CEP85L: variants seen among roughly 807,000 people sequenced by gnomAD.
The protein encoded by CEP85L is centrosomal protein of 85 kDa-like.
CEP85L carries 60 observed loss-of-function variants against 100.3 expected under a neutral mutation model. That is an observed-to-expected ratio of 0.60 (90% CI 0.49 to 0.74). The LOEUF (loss-of-function observed/expected upper bound fraction) is 0.74. CEP85L is among the 30% of genes least tolerant of loss of function. The pLI is 0.00. For missense variants in CEP85L, 973 were observed against 936.2 expected (o/e 1.04, Z -0.51); for synonymous variants, 319 against 322.7 (o/e 0.99, Z 0.12).
chr6:118,576,650 G>C (rs980003905), intron 2 of CEP85L, among the ~76,000 whole-genome samples: 1 of 152,074 alleles, frequency 6.6e-6, no homozygotes, highest in African/African-American at 2.4e-5. Flanking sequence ...TGCATATGGG[G>C]GGAATCCTCA....
intron 5 of CEP85L, among the ~76,000 whole-genome samples, chr6:118,509,458 A>G (rs774876612): frequency 1.3e-5 from 2 of 152,132 alleles, no homozygotes; most frequent in Non-Finnish European, 2.9e-5. Flanking sequence ...ACAGAAGTCC[A>G]AGATGAGACC....
intron 1 of CEP85L, among the ~76,000 whole-genome samples, chr6:118,634,373 T>C (rs1774356617): frequency 6.6e-6 from 1 of 152,208 alleles, no homozygotes. Flanking sequence ...TCAACATTAA[T>C]GATTCACTTT....
chr6:118,549,063 C>G (rs556244332), intron 3 of CEP85L, among the ~76,000 whole-genome samples: 2 of 151,978 alleles, frequency 1.3e-5, no homozygotes, highest in African/African-American at 4.8e-5. Context: ...AATATTGTAT[C>G]ATAAAGAAGT....
intron 1 of CEP85L, among the ~76,000 whole-genome samples, chr6:118,672,240 G>A (rs191811656): frequency 2.6e-5 from 4 of 152,070 alleles, no homozygotes; most frequent in East Asian, 1.9e-4. Context: ...GTTTTGCCAC[G>A]TTGGCCAGGC....
upstream of CEP85L, chr6:118,652,731 T>C (rs748497789): frequency 1.9e-6 from 3 of 1,545,782 alleles, no homozygotes; most frequent in South Asian, 1.2e-5. Flanking sequence ...CTGATTGGAG[T>C]TTTACATTTA....
chr6:118,479,064 T>C (rs1773591722), intron 10 of CEP85L, among the ~76,000 whole-genome samples: 1 of 152,116 alleles, frequency 6.6e-6, no homozygotes, highest in Admixed American at 6.5e-5. Context: ...CACATAACAA[T>C]AGCTGAGGAA....
chr6:118,545,166 T>G (rs1207224149), intron 3 of CEP85L, among the ~76,000 whole-genome samples: 4 of 152,218 alleles, frequency 2.6e-5, no homozygotes, highest in African/African-American at 9.7e-5. Flanking sequence ...TATATTAACT[T>G]CTGGTCAAAA....
chr6:118,579,510 T>C (rs1780444302), intron 2 of CEP85L, among the ~76,000 whole-genome samples: 2 of 152,232 alleles, frequency 1.3e-5, no homozygotes, highest in Non-Finnish European at 2.9e-5. Context: ...CATCAGGCAG[T>C]TGACCTGTAG....
At chr6:118,548,109 T>A (rs969663795) in intron 3 of CEP85L, among the ~76,000 whole-genome samples, 2 of 152,164 alleles carry the variant, frequency 1.3e-5, no homozygotes, top group African/African-American at 4.8e-5. Flanking sequence ...TATACTGTTT[T>A]AAATTAAAAA....
intron 11 of CEP85L, 129 bp from the exon 12 acceptor site, chr6:118,469,432 A>G (rs1772773717): frequency 1.5e-6 from 1 of 646,730 alleles, no homozygotes; most frequent in African/African-American, 1.8e-5. Context: ...CACATTAACC[A>G]AATTCAACTA....
At chr6:118,479,515 CTA>C (rs1773623450) in intron 10 of CEP85L, among the ~76,000 whole-genome samples, 1 of 152,068 alleles carries the variant, frequency 6.6e-6, no homozygotes, top group Non-Finnish European at 1.5e-5. Flanking sequence ...CATGACCACT[CTA>C]TTAAATGTAG....
intron 2 of CEP85L, among the ~76,000 whole-genome samples, chr6:118,619,665 T>C (rs574676156): frequency 6.6e-6 from 1 of 152,326 alleles, no homozygotes; most frequent in South Asian, 2.1e-4. Context: ...CCCATGTGCA[T>C]GTCTCTTTCT....
chr6:118,470,692 G>A, intron 10 of CEP85L, 48 bp from the exon 11 acceptor site: 1 of 1,056,234 alleles, frequency 9.5e-7, no homozygotes, highest in Non-Finnish European at 1.4e-6. Flanking sequence ...AACATGTAAA[G>A]AAAAATCTCA....
At chr6:118,584,800 G>A (rs984267189) in intron 2 of CEP85L, among the ~76,000 whole-genome samples, 19 of 152,310 alleles carry the variant, frequency 1.2e-4, no homozygotes, top group East Asian at 7.7e-4. Flanking sequence ...CCCACCTAAC[G>A]TGGCAGGACT....
chr6:118,669,565 G>A (rs927988014), intron 1 of CEP85L, among the ~76,000 whole-genome samples: 1 of 151,908 alleles, frequency 6.6e-6, no homozygotes, highest in Non-Finnish European at 1.5e-5. Context: ...AACCACTAGG[G>A]TCTATAAATA....
At chr6:118,489,210 T>C (rs1463102053) in intron 6 of CEP85L, among the ~76,000 whole-genome samples, 2 of 146,554 alleles carry the variant, frequency 1.4e-5, no homozygotes, top group Non-Finnish European at 3.0e-5. Flanking sequence ...AAAGTTGCAG[T>C]GAGCCAAGAT....
upstream of CEP85L, among the ~76,000 whole-genome samples, chr6:118,653,444 G>A (rs1263487980): frequency 6.6e-6 from 1 of 152,160 alleles, no homozygotes; most frequent in African/African-American, 2.4e-5. Flanking sequence ...TGAATTCTGA[G>A]TATATACTGA....
At chr6:118,612,951 G>A (rs1772747285) in intron 2 of CEP85L, among the ~76,000 whole-genome samples, 2 of 152,184 alleles carry the variant, frequency 1.3e-5, no homozygotes, top group Admixed American at 6.5e-5. Context: ...AGGTGTGGTG[G>A]CTCACACCTG....
intron 2 of CEP85L, among the ~76,000 whole-genome samples, chr6:118,621,450 G>A (rs1321992406): frequency 6.6e-6 from 1 of 152,072 alleles, no homozygotes. Flanking sequence ...CCCGACTTTC[G>A]TGGATGGTCC....
Sources: allele counts gnomAD v4.1 joint callset (sites outside exome capture counted in the v4.1 genomes callset), GRCh38; gene constraint gnomAD v4.1.1; transcripts MANE v1.5; gene names NCBI Gene and HGNC (gene_info 2026-07-23, HGNC 2026-07-21).